The following CTNND2 variants were observed in gnomAD, a reference collection of about 807,000 sequenced individuals.
CTNND2 encodes the protein catenin delta-2.
A neutral mutation model predicts 144.4 loss-of-function variants in CTNND2; 22 were observed. The ratio of observed to expected loss-of-function variants is 0.15; its 90% CI spans 0.11 to 0.22. The LOEUF (loss-of-function observed/expected upper bound fraction) is 0.22, where lower values mean the gene tolerates loss of function less well. CTNND2 is among the 10% of genes least tolerant of loss of function. The pLI is 1.00. For missense variants in CTNND2, 1,353 were observed against 1,618.8 expected, an observed-to-expected ratio of 0.84 and a Z score of 2.82; for synonymous variants, 751 against 695.6, an observed-to-expected ratio of 1.08 and a Z score of -1.25.
At chr5:11,236,660 C>T in intron 10 of CTNND2, 31 bp downstream of exon 10, 1 of 1,611,184 alleles carries the variant, frequency 6.2e-7, no homozygotes, top group Non-Finnish European at 8.5e-7. Context: ...GAATCTGACA[C>T]CAATCATTTC....
intron 16 of CTNND2, among the ~76,000 whole-genome samples, chr5:11,037,125 C>G (rs1744163625): frequency 6.6e-6 from 1 of 152,172 alleles, no homozygotes; most frequent in Non-Finnish European, 1.5e-5. Context: ...GTAATCCAAA[C>G]ACACATTGGA....
In CTNND2 at chr5:11,022,873, G is replaced by A. The variant is rs145302245; in HGVS notation, c.2895C>T (p.Cys965=). Residue 965 remains cysteine, a synonymous_variant, in exon 17 of 22, where the codon TGC becomes TGT. Transcript: ENST00000304623. The part of the protein sequence containing the change: ...MSDDTVTAVC[C]TLHEVITKNM... ...TCTTGGTAATCACTTCGTGCAGTGTGCAGCAGACAGCTGTCACTGTGTCAT... is the reference window on the plus strand; with the variant it reads ...TCTTGGTAATCACTTCGTGCAGTGTACAGCAGACAGCTGTCACTGTGTCAT... 30 of 1,614,216 alleles carry A rather than the reference G, an allele frequency of 1.9e-5. No homozygotes were observed. In the African/African-American group the frequency reaches 3.3e-4, roughly 18 times the overall value.
At chr5:11,199,954 C>T (rs1737258709) in intron 10 of CTNND2, among the ~76,000 whole-genome samples, 1 of 152,144 alleles carries the variant, frequency 6.6e-6, no homozygotes, top group Admixed American at 6.5e-5. Flanking sequence ...ATAAAATATG[C>T]CACAACCTCA....
At position 11,759,126 on chromosome 5, in the gene CTNND2, G is replaced by A. The variant is rs1581836210; in HGVS notation, c.38-26854C>T. Among the ~76,000 whole-genome samples, 6 of 152,080 alleles carry A rather than the reference G, an allele frequency of 3.9e-5. No individual in the cohort carries two copies. The South Asian group carries it at 1.2e-3, about 32-fold the overall frequency. On this transcript the variant is annotated intron_variant, in intron 1 of 21. Transcript: ENST00000304623. ...TGCTTCTTTACATAGAAATATTTTA[G>A]CATGATTGGTCTTTTTGGAGGGAGA...
chr5:10,984,061 G>A lies in CTNND2; in HGVS notation c.3344-2215C>T, dbSNP rs114611539. On this transcript the variant is annotated intron_variant, in intron 20 of 21. Coordinates refer to ENST00000304623, the MANE Select transcript of CTNND2 (RefSeq NM_001332.4). ...CACGTCAAGTGAAGTAACCCCTTCC[G>A]CCTGCACCCCCATCTCATTACCCTG... Among the ~76,000 whole-genome samples, 439 of 152,140 alleles carry A rather than the reference G, an allele frequency of 2.9e-3. 1 individual carries two copies. Among genetic ancestry groups the A allele is most frequent in the African/African-American group, 0.01 (424 of 41,488 alleles).
At chr5:11,427,894 G>A (rs1479758777) in intron 3 of CTNND2, among the ~76,000 whole-genome samples, 2 of 152,132 alleles carry the variant, frequency 1.3e-5, no homozygotes, top group Non-Finnish European at 2.9e-5. Flanking sequence ...AAGACTGGGA[G>A]GAAAAAGAGG....
chr5:11,644,631 G>A (rs191145656), intron 2 of CTNND2, among the ~76,000 whole-genome samples: 5 of 148,272 alleles, frequency 3.4e-5, no homozygotes, highest in East Asian at 4.0e-4. Context: ...CCAAGATCAC[G>A]CCACTGCACT....
intron 9 of CTNND2, among the ~76,000 whole-genome samples, chr5:11,241,086 C>T (rs1392378923): frequency 6.6e-5 from 10 of 151,546 alleles, no homozygotes; most frequent in Non-Finnish European, 1.3e-4. Context: ...CACACACACA[C>T]CCAATACACA....
chr5:11,118,736 A>C (rs1694940342), intron 12 of CTNND2, among the ~76,000 whole-genome samples: 1 of 152,126 alleles, frequency 6.6e-6, no homozygotes, highest in Non-Finnish European at 1.5e-5. Context: ...AATGAAATGA[A>C]TCTCCAGCCC....
intron 2 of CTNND2, among the ~76,000 whole-genome samples, chr5:11,569,117 T>C (rs1282397404): frequency 6.6e-6 from 1 of 152,056 alleles, no homozygotes; most frequent in Non-Finnish European, 1.5e-5. Flanking sequence ...CTGGTGGAGA[T>C]GTGGTGATGT....
At chr5:11,189,049 C>T (rs560710992) in intron 11 of CTNND2, among the ~76,000 whole-genome samples, 13 of 152,248 alleles carry the variant, frequency 8.5e-5, no homozygotes, top group South Asian at 2.1e-4. Flanking sequence ...GGCAGGTCTA[C>T]GAGTTCCAGC....
At chr5:11,363,313 CAT>C (rs780345415) in intron 8 of CTNND2, among the ~76,000 whole-genome samples, 1 of 152,052 alleles carries the variant, frequency 6.6e-6, no homozygotes, top group African/African-American at 2.4e-5. Context: ...ATTCTAAGAA[CAT>C]GTGAATATGG....
At position 11,159,646 on chromosome 5, in the gene CTNND2, GCGAATTTTC is replaced by G; in HGVS notation, c.2080_2088del (p.Glu694_Ser696del). ...TGTATTTTCCGATCATCCTGAAGAG[GCGAATTTTC>G]CCAGCCTGAGTGGGGGATAATCACC... is the stretch of plus-strand genomic sequence containing the variant. On this transcript the variant is annotated inframe_deletion, in exon 12 of 22. Coordinates refer to ENST00000304623, the MANE Select transcript of CTNND2 (RefSeq NM_001332.4). 1 of 1,613,680 alleles carries G rather than the reference GCGAATTTTC, an allele frequency of 6.2e-7. No homozygotes were observed. The highest frequency in any genetic ancestry group is 8.5e-7 in the Non-Finnish European group (1 of 1,179,834).
chr5:11,762,492 G>T (rs2126807692), intron 1 of CTNND2, among the ~76,000 whole-genome samples: 1 of 152,058 alleles, frequency 6.6e-6, no homozygotes, highest in Non-Finnish European at 1.5e-5. Flanking sequence ...TGCTTATCCA[G>T]GAAACTAAAT....
chr5:11,893,573 G>A (rs757636143), intron 1 of CTNND2, among the ~76,000 whole-genome samples: 5 of 152,126 alleles, frequency 3.3e-5, no homozygotes, highest in Non-Finnish European at 2.9e-5. Context: ...GCATTTACCA[G>A]GTATTACCAA....
chr5:11,493,446 T>C (rs928490985), intron 3 of CTNND2, among the ~76,000 whole-genome samples: 1 of 152,228 alleles, frequency 6.6e-6, no homozygotes, highest in African/African-American at 2.4e-5. Context: ...TGAAAATCAT[T>C]GATCCTGAAG....
chr5:11,553,024 A>G (rs1289902924), intron 3 of CTNND2, among the ~76,000 whole-genome samples: 1 of 152,202 alleles, frequency 6.6e-6, no homozygotes, highest in Admixed American at 6.6e-5. Context: ...GAGAGGAATA[A>G]GCGTGCATGA....
intron 1 of CTNND2, among the ~76,000 whole-genome samples, chr5:11,864,370 C>A (rs6873547): frequency 6.6e-6 from 1 of 151,962 alleles, no homozygotes; most frequent in African/African-American, 2.4e-5. Flanking sequence ...TAAGCAGATG[C>A]GAAATGTGAC....
At chr5:11,853,318 C>A (rs1325146031) in intron 1 of CTNND2, among the ~76,000 whole-genome samples, 1 of 152,116 alleles carries the variant, frequency 6.6e-6, no homozygotes, top group Non-Finnish European at 1.5e-5. Context: ...GCTTCATGAA[C>A]AGCATTCTCT....
Sources: allele counts gnomAD v4.1 joint callset (sites outside exome capture counted in the v4.1 genomes callset), GRCh38; gene constraint gnomAD v4.1.1; transcripts MANE v1.5; gene names NCBI Gene and HGNC (gene_info 2026-07-23, HGNC 2026-07-21).